The following TYW1B variants were observed in gnomAD, a reference collection of about 807,000 sequenced individuals.
TYW1B encodes tRNA-yW synthesizing protein 1 homolog B.
In TYW1B, 73 loss-of-function variants were observed where a neutral mutation model predicts 86.9. That is an observed-to-expected ratio of 0.84 (90% CI 0.70 to 1.02). The LOEUF is 1.02. Ranked by LOEUF, TYW1B falls within the 50% of genes least tolerant of loss-of-function variation. The pLI is 0.00. For missense variants in TYW1B, 637 were observed against 827.4 expected (o/e 0.77, Z 2.82); for synonymous variants, 248 against 292.8 (o/e 0.85, Z 1.56).
chr7:72,745,851 G>GGTGTGTGTGT (rs1162824267), intron 7 of TYW1B, among the ~76,000 whole-genome samples: 38 of 75,156 alleles, frequency 5.1e-4, no homozygotes, highest in Middle Eastern at 8.9e-3. Flanking sequence ...CGTGTATAGG[G>GGTGTGTGTGT]GTGTGTGTGT....
chr7:72,762,797 CTACA>C (rs1252122796), intron 7 of TYW1B, among the ~76,000 whole-genome samples: 1 of 151,614 alleles, frequency 6.6e-6, no homozygotes, highest in African/African-American at 2.4e-5. Flanking sequence ...GTAGCTGGGA[CTACA>C]GGCGCACCCC....
chr7:72,728,105 G>A (rs1585934792), intron 9 of TYW1B, among the ~76,000 whole-genome samples: 1 of 151,706 alleles, frequency 6.6e-6, no homozygotes, highest in Non-Finnish European at 1.5e-5. Context: ...TTTTAAATAA[G>A]GAATTCATTC....
intron 3 of TYW1B, among the ~76,000 whole-genome samples, chr7:72,814,902 CAAAA>C (rs35390409): frequency 1.6e-5 from 2 of 125,812 alleles, no homozygotes; most frequent in Non-Finnish European, 1.7e-5. Context: ...TCAACTCTAG[CAAAA>C]AAAAAAAAAA....
intron 11 of TYW1B, among the ~76,000 whole-genome samples, chr7:72,642,718 T>C (rs1373936355): frequency 6.6e-6 from 1 of 152,058 alleles, no homozygotes; most frequent in Non-Finnish European, 1.5e-5. Flanking sequence ...CTGGCCAATA[T>C]GGTGAAACTC....
At chr7:72,608,596 T>A (rs1393787429) in intron 13 of TYW1B, among the ~76,000 whole-genome samples, 7 of 152,002 alleles carry the variant, frequency 4.6e-5, no homozygotes, top group Admixed American at 1.3e-4. Flanking sequence ...ATTGGCAGAG[T>A]AGACTAAAAA....
chr7:72,747,326 C>G (rs181619957), intron 7 of TYW1B, among the ~76,000 whole-genome samples: 2 of 151,962 alleles, frequency 1.3e-5, no homozygotes, highest in African/African-American at 2.4e-5. Flanking sequence ...GTAAAAAGTA[C>G]CTTTTGCCTC....
intron 13 of TYW1B, among the ~76,000 whole-genome samples, chr7:72,579,012 A>G (rs539179869): frequency 3.3e-5 from 5 of 152,174 alleles, no homozygotes; most frequent in African/African-American, 9.6e-5. Context: ...GTGTTCTAAG[A>G]GAGAGTAAAG....
At chr7:72,686,403 A>C (rs1356558816) in intron 11 of TYW1B, among the ~76,000 whole-genome samples, 1 of 152,232 alleles carries the variant, frequency 6.6e-6, no homozygotes, top group Non-Finnish European at 1.5e-5. Context: ...ATGTGAAAAC[A>C]CATGGAAGGA....
At chr7:72,777,714 G>A (rs58494918) in intron 6 of TYW1B, among the ~76,000 whole-genome samples, 181 bp from the exon 7 acceptor site, 1,882 of 152,118 alleles carry the variant, frequency 0.012, 45 homozygotes, top group African/African-American at 0.042. Context: ...TCAGGAGATC[G>A]AGACCAGCCC....
chr7:72,692,130 C>T (rs1585906725), intron 11 of TYW1B, among the ~76,000 whole-genome samples: 2 of 146,488 alleles, frequency 1.4e-5, no homozygotes. Flanking sequence ...CACTTGAACC[C>T]GGGAGGTAGA....
At chr7:72,594,936 C>T (rs1394220302) in intron 13 of TYW1B, among the ~76,000 whole-genome samples, 2 of 152,162 alleles carry the variant, frequency 1.3e-5, no homozygotes, top group Non-Finnish European at 2.9e-5. Context: ...AACACCCTTT[C>T]GTGTTTTTCA....
intron 6 of TYW1B, among the ~76,000 whole-genome samples, chr7:72,801,573 A>G (rs1421416121): frequency 1.3e-5 from 2 of 151,926 alleles, no homozygotes; most frequent in African/African-American, 2.4e-5. Context: ...TGGACTACAT[A>G]TAATTTTAAT....
At chr7:72,758,744 TAG>T (rs1416678531) in intron 7 of TYW1B, among the ~76,000 whole-genome samples, 17 of 152,174 alleles carry the variant, frequency 1.1e-4, no homozygotes, top group Admixed American at 3.9e-4. Context: ...CTTGGGATGA[TAG>T]ACTTTTTACC....
At chr7:72,578,794 G>A (rs1554429210) in intron 13 of TYW1B, among the ~76,000 whole-genome samples, 1 of 152,196 alleles carries the variant, frequency 6.6e-6, no homozygotes, top group Non-Finnish European at 1.5e-5. Flanking sequence ...ACAGGGACAG[G>A]TGTGATAAAT....
intron 13 of TYW1B, among the ~76,000 whole-genome samples, chr7:72,582,032 G>T (rs1456425457): frequency 6.6e-6 from 1 of 151,770 alleles, no homozygotes; most frequent in South Asian, 2.1e-4. Flanking sequence ...GCCTCCCAAA[G>T]TGCTGGGATA....
intron 10 of TYW1B, among the ~76,000 whole-genome samples, chr7:72,701,882 C>G (rs546243575): frequency 2.8e-4 from 43 of 152,276 alleles, no homozygotes; most frequent in African/African-American, 9.1e-4. Flanking sequence ...AGGGAATGTT[C>G]TCATCACCCA....
chr7:72,703,021 TATATA>T (rs1460368853), intron 10 of TYW1B, among the ~76,000 whole-genome samples: 2,194 of 12,162 alleles, frequency 0.18, 77 homozygotes, highest in South Asian at 0.24. Context: ...TATATATATA[TATATA>T]TTTTTTTTTT....
At chr7:72,612,897 G>A (rs2949099) in intron 13 of TYW1B, among the ~76,000 whole-genome samples, 1 of 151,936 alleles carries the variant, frequency 6.6e-6, no homozygotes. Context: ...CTACAGGTTC[G>A]TGCCATCACA....
intron 13 of TYW1B, among the ~76,000 whole-genome samples, chr7:72,598,869 A>AAGAC (rs1306681660): frequency 6.6e-6 from 1 of 152,148 alleles, no homozygotes; most frequent in Non-Finnish European, 1.5e-5. Context: ...CAGGTGGAGG[A>AAGAC]AGACAGACAG....
Sources: gnomAD v4.1 joint callset for allele counts (sites outside exome capture counted in the v4.1 genomes callset) on GRCh38, gnomAD v4.1.1 for gene constraint, MANE v1.5 for transcripts, NCBI Gene and HGNC (gene_info 2026-07-23, HGNC 2026-07-21) for gene names.